TTN: variants seen among roughly 807,000 people sequenced by gnomAD.
TTN encodes titin.
In TTN, 1,525 loss-of-function variants were observed where a neutral mutation model predicts 3,223.0. The observed-to-expected ratio is 0.47, with a 90% CI of 0.45 to 0.49. The LOEUF is 0.49. Ranked by LOEUF, TTN falls within the 20% of genes least tolerant of loss-of-function variation. The pLI is 0.00. For missense variants in TTN, 40,786 were observed against 43,424.0 expected, an observed-to-expected ratio of 0.94 and a Z score of 5.40; for synonymous variants, 14,094 against 15,161.0, an observed-to-expected ratio of 0.93 and a Z score of 5.17.
chr2:178,668,874 C>G (rs1196819611), intron 159 of TTN, among the ~76,000 whole-genome samples: 1 of 148,768 alleles, frequency 6.7e-6, no homozygotes. Flanking sequence ...TGTATGAAAC[C>G]CCCCCCCAAA....
Position 178,581,803 on chromosome 2 carries a change from A to G in TTN, c.66465T>C (p.Tyr22155=). The change falls in exon 316 of 363, where the codon TAT becomes TAC. Residue 22155 remains tyrosine (Y), a splice_region_variant and synonymous_variant. Coordinates refer to ENST00000589042, the MANE Select transcript of TTN (RefSeq NM_001267550.2). ...TAGGGAAAGCCGGTGGGCCAGGAGG[A>G]TCTGAGAATAAATAATGATAGGAAA... ...SKAAYARDPQ[Y]PPGPPAFPKV... is the part of the protein sequence containing the mutation. 1 of 1,593,618 alleles carries G rather than the reference A, an allele frequency of 6.3e-7. No individual in the cohort carries two copies. Among genetic ancestry groups the G allele is most frequent in the Non-Finnish European group, 8.5e-7 (1 of 1,170,946 alleles).
Position 178,615,195 on chromosome 2 carries a change from C to T in TTN, c.48638+112G>A, listed in dbSNP as rs55658446. ...ACCTTTAAAAATCAGACAGATACACCGGCAGCATAGGATTCTCAATGAAAA... is the reference window on the plus strand; with the variant it reads ...ACCTTTAAAAATCAGACAGATACACTGGCAGCATAGGATTCTCAATGAAAA... On this transcript the variant is annotated intron_variant, in intron 259 of 362. Transcript: ENST00000589042. 30,523 of 1,306,162 alleles carry T rather than the reference C, an allele frequency of 0.023. 547 individuals are homozygous for T. The highest frequency in any genetic ancestry group is 0.091 in the East Asian group (3,737 of 41,204). 80.9% of individuals were successfully genotyped at this position (1,306,162 alleles called of 1,614,324 possible).
At chr2:178,612,605 A>ATTT (rs34928195) in intron 265 of TTN, 29 bp from the exon 266 acceptor site, 1 of 1,386,912 alleles carries the variant, frequency 7.2e-7, no homozygotes, top group Non-Finnish European at 9.9e-7. Flanking sequence ...AAACAAATTC[A>ATTT]TTTTTTTTTT....
chr2:178,803,850 A>G (rs1341583179), intron 2 of TTN, among the ~76,000 whole-genome samples: 2 of 152,060 alleles, frequency 1.3e-5, no homozygotes, highest in Non-Finnish European at 1.5e-5. Flanking sequence ...ATTTTTTTGA[A>G]CCATCCATAA....
intron 319 of TTN, 71 bp downstream of exon 319, chr2:178,579,490 G>C (rs2047196479): frequency 1.3e-6 from 2 of 1,579,184 alleles, no homozygotes; most frequent in African/African-American, 1.4e-5. Context: ...AGATAAGCTA[G>C]TGAGTGGGAC....
intron 110 of TTN, 60 bp downstream of exon 110, chr2:178,701,468 A>C (rs2154289240): frequency 6.4e-7 from 1 of 1,551,390 alleles, no homozygotes; most frequent in East Asian, 2.3e-5. Flanking sequence ...AATTTCGTAC[A>C]GATTCCTAGT....
intron 163 of TTN, 68 bp downstream of exon 163, chr2:178,666,756 T>G (rs1352626593): frequency 1.5e-6 from 2 of 1,342,066 alleles, no homozygotes; most frequent in Non-Finnish European, 2.0e-6. Flanking sequence ...AAGATATTAG[T>G]ATTTTTACAT....
rs1452884177 is a variant in TTN at position 178,618,424 on chromosome 2, C to T, written c.47034G>A (p.Trp15678Ter). 1 of 1,612,346 alleles carries T rather than the reference C, an allele frequency of 6.2e-7. No individual in the cohort carries two copies. The highest frequency in any genetic ancestry group is 1.3e-5 in the African/African-American group (1 of 74,814). Residue 15678 changes from tryptophan (W) to a stop codon, truncating the protein, a stop_gained, in exon 252 of 363, where the codon TGG becomes TGA. Transcript: ENST00000589042. LOFTEE classifies it high-confidence loss of function. ...TTCCACCATCAGTTAAAGGTTCTTC[C>T]CAAGCAAGGCTCACTTCACCATCAA... is the stretch of plus-strand genomic sequence containing the variant. ...ETFDGEVSLA[W>*]EEPLTDGGSK...
chr2:178,534,945 C>G lies in TTN; in HGVS notation c.101670G>C (p.Met33890Ile). 6.2e-7 allele frequency: 1 copy of G among 1,612,472 alleles called. No homozygotes were observed. Among genetic ancestry groups the G allele is most frequent in the Non-Finnish European group, 8.5e-7 (1 of 1,179,732 alleles). ...ESFESMEELVMIFEFISGLDI... is the reference protein window; with the variant it reads ...ESFESMEELVIIFEFISGLDI... ...CAAGTCCTGATATAAACTCAAAGAT[C>G]ATAACTAATTCTTCCATGCTTTCAA... The change falls in exon 358 of 363, where the codon ATG becomes ATC. Residue 33890 changes from methionine (M) to isoleucine (I), a missense_variant. Physicochemically the swap from Met to Ile is conservative, Grantham distance 10. Transcript: ENST00000589042.
At chr2:178,774,634 A>C in intron 29 of TTN, 161 bp from the exon 30 acceptor site, 1 of 710,812 alleles carries the variant, frequency 1.4e-6, no homozygotes, top group Non-Finnish European at 2.2e-6. Flanking sequence ...TTTCAATAAG[A>C]AGCAGTTATT....
rs567442629 is a variant in TTN at position 178,625,738 on chromosome 2, C to T, written c.44425-342G>A. On this transcript the variant is annotated intron_variant, in intron 240 of 362. Coordinates refer to ENST00000589042, the MANE Select transcript of TTN (RefSeq NM_001267550.2). ...ATGCTGCTGTAAAGACACATGCACA[C>T]GTATGTTTATTGTGGCATTATTCAC... Among the ~76,000 whole-genome samples the T allele has an allele frequency of 3.9e-5, 6 of 151,940 alleles. 1 individual carries two copies. The East Asian group carries it at 5.8e-4, about 15-fold the overall frequency.
chr2:178,796,689 C>T (rs1157472725), intron 6 of TTN, among the ~76,000 whole-genome samples: 1 of 152,110 alleles, frequency 6.6e-6, no homozygotes, highest in African/African-American at 2.4e-5. Context: ...CACCCTGTGC[C>T]TTGTTCTTGC....
chr2:178,664,108 T>C lies in TTN; in HGVS notation c.36281-10A>G, dbSNP rs1301425587. 6.2e-7 allele frequency: 1 copy of C among 1,602,866 alleles called. No individual in the cohort carries two copies. On this transcript the variant is annotated splice_polypyrimidine_tract_variant and intron_variant, in intron 168 of 362. Transcript: ENST00000589042. ...TTGGGAGCTTCGTGCACTTGAAAGA[T>C]ATTAGTATTTTTACACTCAGAAAAT...
chr2:178,622,762 G>A lies in TTN; in HGVS notation c.44821C>T (p.His14941Tyr). 6.3e-7 allele frequency: 1 copy of A among 1,598,010 alleles called. No homozygotes were observed. Among genetic ancestry groups the A allele is most frequent in the Non-Finnish European group, 8.5e-7 (1 of 1,171,250 alleles). The change falls in exon 243 of 363, where the codon CAT becomes TAT. Residue 14941 changes from histidine to tyrosine, a missense_variant. By Grantham distance (83) the His-to-Tyr change is moderately conservative. Transcript: ENST00000589042. ...GTGAGTGGTCTTAAGAATTCCACAT[G>A]AGGAGCTGTAAGAGAATGTCATCAG... Reference protein sequence around the residue: ...TSCNLNVVPPHVEFLRPLTDL... With the variant: ...TSCNLNVVPPYVEFLRPLTDL...
Position 178,713,102 on chromosome 2 carries a change from G to T in TTN, c.27032C>A (p.Ala9011Asp), listed in dbSNP as rs1280896226. Residue 9011 changes from alanine to aspartate, a missense_variant, in exon 93 of 363, where the codon GCT (alanine) becomes GAT (aspartate). Coordinates refer to ENST00000589042, the MANE Select transcript of TTN (RefSeq NM_001267550.2). ...TNMAGSDECS[A>D]PLTVREPPSF... ...AAACTGACCTCTCACAGTCAAAGGA[G>T]CACTACATTCATCAGAACCAGCCAT... The T allele has an allele frequency of 6.2e-7, 1 of 1,613,350 alleles. No individual in the cohort carries two copies. The highest frequency in any genetic ancestry group is 1.3e-5 in the African/African-American group (1 of 74,928).
rs779188654 is a variant in TTN at position 178,784,258 on chromosome 2, T to C, written c.2587A>G (p.Thr863Ala). The change falls in exon 16 of 363, where the codon ACT becomes GCT. Residue 863 changes from threonine (T) to alanine (A), a missense_variant. Thr to Ala is a moderately conservative substitution (Grantham distance 58). Transcript: ENST00000589042. ...QKITKSVKAP[T>A]VKPSETRVRA... ...ACTCTAGTCTCACTGGGCTTCACAG[T>C]AGGAGCCTTCACCGATTTGGTGATC... The C allele has an allele frequency of 9.9e-6, 16 of 1,614,116 alleles. No homozygotes were observed. Among genetic ancestry groups the C allele is most frequent in the Non-Finnish European group, 1.3e-5 (15 of 1,179,980 alleles).
In TTN at chr2:178,649,593, C is replaced by T. The variant is rs2062592890; in HGVS notation, c.39934G>A (p.Val13312Ile). The T allele has an allele frequency of 1.3e-6, 2 of 1,549,922 alleles. No homozygotes were observed. Among genetic ancestry groups the T allele is most frequent in the Non-Finnish European group, 1.7e-6 (2 of 1,146,592 alleles). Residue 13312 changes from valine to isoleucine, a missense_variant, in exon 212 of 363, where the codon GTC (valine) becomes ATC (isoleucine). Transcript: ENST00000589042. Reference sequence around the variant, plus strand: ...GTTTCTGGCTTCTTAACAGTTGGGACCTTCTTCACTGGAACAACTTTCTTT... The same window carrying T: ...GTTTCTGGCTTCTTAACAGTTGGGATCTTCTTCACTGGAACAACTTTCTTT... ...MPKKVVPVKKVPTVKKPETPA... is the reference protein window; with the variant it reads ...MPKKVVPVKKIPTVKKPETPA...
chr2:178,683,984 T>G lies in TTN; in HGVS notation c.32806+15A>C, dbSNP rs778694891. 2.2e-5 allele frequency: 33 copies of G among 1,511,786 alleles called. No individual in the cohort carries two copies. The highest frequency in any genetic ancestry group is 6.7e-5 in the Admixed American group (3 of 44,610). 93.6% of individuals were successfully genotyped at this position (1,511,786 alleles called of 1,614,324 possible). ...CTTATTTTGATTTTTTTTTTTTTTT[T>G]AAGAGTCAGTATACCTTTAGCTGGT... is the stretch of plus-strand genomic sequence containing the variant. On this transcript the variant is annotated intron_variant, in intron 133 of 362. Coordinates refer to ENST00000589042, the MANE Select transcript of TTN (RefSeq NM_001267550.2).
At position 178,799,483 on chromosome 2, in the gene TTN, T is replaced by G. The variant is rs1222534200; in HGVS notation, c.914+4A>C. ...ATAATCTGCTCTCTCTATGGCAGCTTTACCTGACCGGAGATGGGGTCGGTG... is the reference window on the plus strand; with the variant it reads ...ATAATCTGCTCTCTCTATGGCAGCTGTACCTGACCGGAGATGGGGTCGGTG... On this transcript the variant is annotated splice_donor_region_variant and intron_variant, in intron 6 of 362. Transcript: ENST00000589042. The G allele has an allele frequency of 6.2e-7, 1 of 1,614,138 alleles. No individual in the cohort carries two copies. Among genetic ancestry groups the G allele is most frequent in the Admixed American group, 1.7e-5 (1 of 60,028 alleles).
Sources: allele counts gnomAD v4.1 joint callset (sites outside exome capture counted in the v4.1 genomes callset), GRCh38; gene constraint gnomAD v4.1.1; transcripts MANE v1.5; gene names NCBI Gene and HGNC (gene_info 2026-07-23, HGNC 2026-07-21).